SENP5: variants seen among roughly 807,000 people sequenced by gnomAD.
SENP5 encodes sentrin-specific protease 5.
In SENP5, 21 loss-of-function variants were observed where a neutral mutation model predicts 74.2. The observed-to-expected ratio is 0.28, with a 90% CI of 0.20 to 0.41. The LOEUF is 0.41. Among genes scored for constraint, SENP5 ranks in the 10% least tolerant of loss-of-function variants. The pLI, the probability that SENP5 is intolerant of heterozygous loss-of-function variation, is 1.00. For synonymous variants in SENP5, 311 were observed against 312.7 expected (o/e 0.99, Z 0.06); for missense variants, 717 against 889.1 (o/e 0.81, Z 2.46).
intron 6 of SENP5, among the ~76,000 whole-genome samples, chr3:196,922,271 G>A (rs1715647682): frequency 6.6e-6 from 1 of 152,136 alleles, no homozygotes; most frequent in Non-Finnish European, 1.5e-5. Flanking sequence ...GGAAATCAAG[G>A]TGCAAAGAAG....
chr3:196,880,610 T>TG (rs1215274650), intron 1 of SENP5, among the ~76,000 whole-genome samples: 3 of 151,798 alleles, frequency 2.0e-5, no homozygotes, highest in Admixed American at 2.0e-4. Context: ...CTTTGACTGA[T>TG]GTGATTGAAG....
chr3:196,878,650 G>A (rs1713584689), intron 1 of SENP5, among the ~76,000 whole-genome samples: 1 of 152,002 alleles, frequency 6.6e-6, no homozygotes, highest in South Asian at 2.1e-4. Flanking sequence ...AGAGTACGGT[G>A]GCATGATCTC....
chr3:196,875,435 A>G (rs770264026), intron 1 of SENP5, among the ~76,000 whole-genome samples: 17 of 152,096 alleles, frequency 1.1e-4, no homozygotes, highest in Admixed American at 3.9e-4. Context: ...AAGAATATGA[A>G]TCAGATCTTT....
chr3:196,929,992 A>G (rs868238880), intron 9 of SENP5, among the ~76,000 whole-genome samples: 1 of 151,476 alleles, frequency 6.6e-6, no homozygotes, highest in Non-Finnish European at 1.5e-5. Flanking sequence ...TTGCATAAAA[A>G]AAAAAAAAAA....
intron 2 of SENP5, among the ~76,000 whole-genome samples, chr3:196,899,002 C>G (rs565305038): frequency 6.6e-6 from 1 of 151,664 alleles, no homozygotes; most frequent in East Asian, 1.9e-4. Flanking sequence ...TGGCGTGAAC[C>G]CGGGAGGTGG....
At chr3:196,880,893 G>A (rs982900432) in intron 1 of SENP5, among the ~76,000 whole-genome samples, 3 of 151,792 alleles carry the variant, frequency 2.0e-5, no homozygotes, top group South Asian at 2.1e-4. Flanking sequence ...TGCCCACCTC[G>A]GCCTCCCAAA....
At chr3:196,921,949 C>G (rs1715634890) in intron 6 of SENP5, among the ~76,000 whole-genome samples, 1 of 152,164 alleles carries the variant, frequency 6.6e-6, no homozygotes, top group Admixed American at 6.6e-5. Flanking sequence ...GTATGTGGAG[C>G]ACTTACTACT....
rs543047484 is a variant in SENP5 at position 196,879,555 on chromosome 3, T to G, written c.-31-5596T>G. Among the ~76,000 whole-genome samples, 9 of 152,342 alleles carry G rather than the reference T, an allele frequency of 5.9e-5. No individual in the cohort carries two copies. In the South Asian group the frequency reaches 1.9e-3, roughly 32 times the overall value. On this transcript the variant is annotated intron_variant, in intron 1 of 9. Transcript: ENST00000323460. Reference sequence around the variant, plus strand: ...CTTCTGGATTGGTGGCCCTCCAGGCTTAAGGCACATTGTCATTCTGCATCT... The same window carrying G: ...CTTCTGGATTGGTGGCCCTCCAGGCGTAAGGCACATTGTCATTCTGCATCT...
In SENP5 at chr3:196,873,675, C is replaced by T. The variant is rs891950929; in HGVS notation, c.-32+5602C>T. Among the ~76,000 whole-genome samples, 174 of 151,674 alleles carry T rather than the reference C, an allele frequency of 1.1e-3. 1 individual carries two copies. In the Middle Eastern group the frequency reaches 0.014, roughly 12 times the overall value. ...CTAACACGGTGAAACCCCATCTCTA[C>T]TAAAAATACAAAAAATTAGCCGGGT... is the stretch of plus-strand genomic sequence containing the variant. On this transcript the variant is annotated intron_variant, in intron 1 of 9. Transcript: ENST00000323460.
chr3:196,904,009 G>A (rs1330825139), intron 6 of SENP5, among the ~76,000 whole-genome samples: 1 of 152,244 alleles, frequency 6.6e-6, no homozygotes, highest in South Asian at 2.1e-4. Flanking sequence ...AACATAGCCA[G>A]ATCCTGTCTC....
Position 196,923,565 on chromosome 3 carries a change from C to T in SENP5, c.2022+14C>T. The T allele has an allele frequency of 6.4e-7, 1 of 1,557,704 alleles. No homozygotes were observed. The highest frequency in any genetic ancestry group is 8.8e-7 in the Non-Finnish European group (1 of 1,141,550). ...TTTTGTGTAGAGGTAAGTTAATATA[C>T]TGCCTATTTTTTCATTTATTTTGTA... On this transcript the variant is annotated intron_variant, in intron 7 of 9. Coordinates refer to ENST00000323460, the MANE Select transcript of SENP5 (RefSeq NM_152699.5).
At chr3:196,918,273 C>T (rs1251504135) in intron 6 of SENP5, among the ~76,000 whole-genome samples, 1 of 149,232 alleles carries the variant, frequency 6.7e-6, no homozygotes, top group Non-Finnish European at 1.5e-5. Context: ...TGCCACTGCA[C>T]TCCAAGCTGG....
chr3:196,917,120 C>T (rs1321210409), intron 6 of SENP5, among the ~76,000 whole-genome samples: 3 of 151,886 alleles, frequency 2.0e-5, no homozygotes, highest in African/African-American at 7.3e-5. Context: ...GGCAACAGAG[C>T]GAACTCTGTC....
chr3:196,924,881 G>A (rs1360430093), intron 7 of SENP5, among the ~76,000 whole-genome samples: 3 of 152,158 alleles, frequency 2.0e-5, no homozygotes, highest in East Asian at 1.9e-4. Context: ...ACTATGGTAC[G>A]GTATACCCAT....
intron 7 of SENP5, among the ~76,000 whole-genome samples, chr3:196,924,756 C>T (rs1715750070): frequency 6.6e-6 from 1 of 152,144 alleles, no homozygotes; most frequent in Non-Finnish European, 1.5e-5. Context: ...CATAAAAATG[C>T]TTGTATATGC....
chr3:196,873,770 C>T (rs1234630928), intron 1 of SENP5, among the ~76,000 whole-genome samples: 3 of 152,118 alleles, frequency 2.0e-5, no homozygotes, highest in African/African-American at 4.8e-5. Flanking sequence ...ACCTGGGAGG[C>T]GGAGCTTGCA....
At chr3:196,881,317 T>G (rs148814557) in intron 1 of SENP5, among the ~76,000 whole-genome samples, 1 of 152,220 alleles carries the variant, frequency 6.6e-6, no homozygotes. Context: ...ATATTTGTAT[T>G]ATTGTAGGCA....
At chr3:196,914,586 A>AATATATAT (rs55692471) in intron 6 of SENP5, 63 of 33,448 alleles carry the variant, frequency 1.9e-3, no homozygotes, top group African/African-American at 3.2e-3. Context: ...AAAAAAAAAA[A>AATATATAT]ATATATATAT....
At chr3:196,882,928 A>AT (rs10576427) in intron 1 of SENP5, among the ~76,000 whole-genome samples, 335 of 144,602 alleles carry the variant, frequency 2.3e-3, no homozygotes, top group Non-Finnish European at 3.6e-3. Context: ...ATCTTTATGG[A>AT]TTTTTTTTTT....
Sources: gnomAD v4.1 joint callset for allele counts (sites outside exome capture counted in the v4.1 genomes callset) on GRCh38, gnomAD v4.1.1 for gene constraint, MANE v1.5 for transcripts, NCBI Gene and HGNC (gene_info 2026-07-23, HGNC 2026-07-21) for gene names.